ATAD2B: variants seen among roughly 807,000 people sequenced by gnomAD.
The protein encoded by ATAD2B is ATPase family AAA domain-containing protein 2B.
A neutral mutation model predicts 167.6 loss-of-function variants in ATAD2B; 40 were observed. The ratio of observed to expected loss-of-function variants is 0.24; its 90% confidence interval spans 0.19 to 0.31. The LOEUF (loss-of-function observed/expected upper bound fraction) is 0.31. Ranked by LOEUF, ATAD2B falls within the 10% of genes least tolerant of loss-of-function variation. ATAD2B has a pLI of 1.00. For synonymous variants in ATAD2B, 579 were observed against 596.5 expected (o/e 0.97, Z 0.43); for missense variants, 1,242 against 1,757.2 (o/e 0.71, Z 5.24).
intron 7 of ATAD2B, among the ~76,000 whole-genome samples, chr2:23,876,288 AG>A (rs146485916): frequency 0.11 from 15,528 of 146,898 alleles, 884 homozygotes; most frequent in Middle Eastern, 0.19. Context: ...CACCGGGCCC[AG>A]CCCTGTTAAC....
At chr2:23,905,349 A>G (rs564678053) in intron 1 of ATAD2B, among the ~76,000 whole-genome samples, 47 of 152,148 alleles carry the variant, frequency 3.1e-4, no homozygotes, top group Admixed American at 1.3e-4. Flanking sequence ...AGACTCTGAG[A>G]CTTGTCTCTA....
At position 23,828,285 on chromosome 2, in the gene ATAD2B, A is replaced by G. The variant is rs1167679804; in HGVS notation, c.1819+564T>C. ...CACTCTCACCACATCCTAGAAGGACAGTAGTGTTCATTCACTCTGTGGGGA... is the reference window on the plus strand; with the variant it reads ...CACTCTCACCACATCCTAGAAGGACGGTAGTGTTCATTCACTCTGTGGGGA... On this transcript the variant is annotated intron_variant, in intron 15 of 27. Transcript: ENST00000238789. Among the ~76,000 whole-genome samples, 5 of 152,298 alleles carry G rather than the reference A, an allele frequency of 3.3e-5. No homozygotes were observed. The South Asian group carries it at 8.3e-4, about 25-fold the overall frequency.
At chr2:23,756,882 T>C (rs138521233) in intron 25 of ATAD2B, among the ~76,000 whole-genome samples, 1 of 152,292 alleles carries the variant, frequency 6.6e-6, no homozygotes, top group East Asian at 1.9e-4. Context: ...TGCAACACCA[T>C]TCTGAAGTTG....
chr2:23,829,925 T>C (rs972381340), intron 14 of ATAD2B, among the ~76,000 whole-genome samples: 10 of 152,220 alleles, frequency 6.6e-5, no homozygotes, highest in Admixed American at 3.9e-4. Context: ...TGACTGCATA[T>C]AGCACAATCA....
At chr2:23,814,225 A>G (rs1371809393) in intron 17 of ATAD2B, among the ~76,000 whole-genome samples, 3 of 152,222 alleles carry the variant, frequency 2.0e-5, no homozygotes, top group South Asian at 4.1e-4. Context: ...AAAACAAGAC[A>G]ATTCAAAGAG....
Position 23,757,834 on chromosome 2 carries a change from A to C in ATAD2B, c.3662T>G (p.Leu1221Arg). 6.3e-7 allele frequency: 1 copy of C among 1,575,994 alleles called. No homozygotes were observed. The change falls in exon 25 of 28, where the codon CTT becomes CGT. Residue 1221 changes from leucine (L) to arginine (R), a missense_variant. Coordinates refer to ENST00000238789, the MANE Select transcript of ATAD2B (RefSeq NM_017552.4). Reference sequence around the variant, plus strand: ...CTCTTTTGTGCCTGCTCCATTGTTAAGCCTCTGCCCCTGGTCCAAGTCCAT... The same window carrying C: ...CTCTTTTGTGCCTGCTCCATTGTTACGCCTCTGCCCCTGGTCCAAGTCCAT... Reference protein sequence around the residue: ...DIMDLDQGQRLNNGAGTKENF... With the variant: ...DIMDLDQGQRRNNGAGTKENF...
chr2:23,910,173 CTT>C (rs756806271), intron 1 of ATAD2B, among the ~76,000 whole-genome samples: 17 of 106,894 alleles, frequency 1.6e-4, no homozygotes, highest in African/African-American at 1.5e-4. Flanking sequence ...CTTGCATACT[CTT>C]TTTTTTTTTT....
intron 12 of ATAD2B, among the ~76,000 whole-genome samples, chr2:23,862,404 T>TTTTTTC (rs1694528793): frequency 9.7e-6 from 1 of 103,332 alleles, no homozygotes; most frequent in Non-Finnish European, 2.2e-5. Context: ...TGGACTGGTT[T>TTTTTTC]TTTTTTTTTT....
At chr2:23,703,120 T>G in the ATAD2B span, 1 of 1,222,736 alleles carries the variant, frequency 8.2e-7, no homozygotes, top group Non-Finnish European at 1.1e-6. Flanking sequence ...TTGCTGCCCT[T>G]GCTTGTGACC....
intron 13 of ATAD2B, among the ~76,000 whole-genome samples, chr2:23,834,414 G>A (rs558444381): frequency 4.6e-5 from 7 of 151,886 alleles, no homozygotes; most frequent in African/African-American, 9.6e-5. Context: ...CACCTGCCTC[G>A]GCCTCGCAAA....
intron 13 of ATAD2B, among the ~76,000 whole-genome samples, chr2:23,840,782 C>T (rs1690765680): frequency 6.6e-6 from 1 of 152,178 alleles, no homozygotes; most frequent in Admixed American, 6.5e-5. Context: ...TCAGCCTGAT[C>T]TATCAATTAC....
chr2:23,812,691 G>A (rs1339137654), intron 17 of ATAD2B, among the ~76,000 whole-genome samples: 2 of 151,996 alleles, frequency 1.3e-5, no homozygotes, highest in East Asian at 3.9e-4. Flanking sequence ...TGAAACCCCC[G>A]TCTCTACTAA....
chr2:23,782,038 A>T (rs1335831430), intron 22 of ATAD2B, among the ~76,000 whole-genome samples: 3 of 152,150 alleles, frequency 2.0e-5, no homozygotes, highest in Non-Finnish European at 4.4e-5. Context: ...CTGGCCTGCT[A>T]ACTCCTGAGG....
intron 22 of ATAD2B, among the ~76,000 whole-genome samples, chr2:23,772,930 G>A (rs1376102904): frequency 6.6e-6 from 1 of 152,204 alleles, no homozygotes; most frequent in African/African-American, 2.4e-5. Context: ...TAGAGATGGT[G>A]TCTTGCCATG....
chr2:23,718,690 T>G, the ATAD2B span, among the ~76,000 whole-genome samples: 1 of 152,172 alleles, frequency 6.6e-6, no homozygotes, highest in African/African-American at 2.4e-5. Flanking sequence ...ATCTTATGAT[T>G]TGGGAGGTCA....
chr2:23,705,897 A>C, the ATAD2B span, among the ~76,000 whole-genome samples: 1 of 152,184 alleles, frequency 6.6e-6, no homozygotes, highest in African/African-American at 2.4e-5. Context: ...CTGAGACAAC[A>C]GGAGCAAGCC....
At chr2:23,874,029 A>G (rs1696408275) in intron 8 of ATAD2B, among the ~76,000 whole-genome samples, 1 of 152,150 alleles carries the variant, frequency 6.6e-6, no homozygotes, top group Non-Finnish European at 1.5e-5. Flanking sequence ...TCTACTAAAA[A>G]TACAAAAATT....
At chr2:23,820,558 TA>T (rs1342686505) in intron 16 of ATAD2B, among the ~76,000 whole-genome samples, 1 of 152,100 alleles carries the variant, frequency 6.6e-6, no homozygotes, top group Non-Finnish European at 1.5e-5. Context: ...CATGCCTAAT[TA>T]AAACTGACAA....
chr2:23,757,979 T>C lies in ATAD2B; in HGVS notation c.3517A>G (p.Thr1173Ala). The change falls in exon 25 of 28, where the codon ACG (threonine) becomes GCG (alanine). Residue 1173 changes from threonine to alanine, a missense_variant. Thr to Ala is a moderately conservative substitution (Grantham distance 58). Transcript: ENST00000238789. ...TTCTCTAATAATTTCCTGTCCTCCG[T>C]ATGGTTCTCATAGTCTGCAAATTTG... Reference protein sequence around the residue: ...DTKFADYENHTEDRKLLENGE... With the variant: ...DTKFADYENHAEDRKLLENGE... 6.2e-7 allele frequency: 1 copy of C among 1,613,646 alleles called. No homozygotes were observed. Among genetic ancestry groups the C allele is most frequent in the African/African-American group, 1.3e-5 (1 of 75,052 alleles).
Sources: gnomAD v4.1 joint callset for allele counts (sites outside exome capture counted in the v4.1 genomes callset) on GRCh38, gnomAD v4.1.1 for gene constraint, MANE v1.5 for transcripts, NCBI Gene and HGNC (gene_info 2026-07-23, HGNC 2026-07-21) for gene names.